The following KAZN variants were observed in gnomAD, a reference collection of about 807,000 sequenced individuals.
KAZN encodes the protein kazrin.
A neutral mutation model predicts 87.4 loss-of-function variants in KAZN; 40 were observed. The observed-to-expected ratio is 0.46, with a 90% confidence interval of 0.36 to 0.60. The LOEUF (loss-of-function observed/expected upper bound fraction) is 0.60, where lower values mean the gene tolerates loss of function less well. KAZN is among the 20% of genes least tolerant of loss of function. The probability of loss-of-function intolerance (pLI) is 0.00; values close to 1 mark genes in which losing one functional copy is unlikely to be tolerated. For missense variants in KAZN, 898 were observed against 1,073.9 expected (o/e 0.84, Z 2.29); for synonymous variants, 466 against 458.3 (o/e 1.02, Z -0.22).
chr1:14,826,443 C>T (rs1646888437), intron 1 of KAZN, among the ~76,000 whole-genome samples: 1 of 152,212 alleles, frequency 6.6e-6, no homozygotes, highest in Non-Finnish European at 1.5e-5. Flanking sequence ...CCTGAGCCAC[C>T]CTCCTCAACA....
At chr1:14,595,217 G>C (rs188308664), upstream of KAZN, among the ~76,000 whole-genome samples, 17 of 152,156 alleles carry the variant, frequency 1.1e-4, no homozygotes, top group East Asian at 3.1e-3. Context: ...TTACCTTATG[G>C]GGGGGCAGCA....
At chr1:14,084,225 A>C (rs1385496212) in intron 1 of KAZN, among the ~76,000 whole-genome samples, 1 of 152,174 alleles carries the variant, frequency 6.6e-6, no homozygotes, top group African/African-American at 2.4e-5. Context: ...AAAAGATGGA[A>C]TGTGGAAGTT....
intron 1 of KAZN, among the ~76,000 whole-genome samples, chr1:14,096,876 TG>T (rs1442211396): frequency 2.0e-5 from 3 of 152,218 alleles, no homozygotes; most frequent in Non-Finnish European, 4.4e-5. Flanking sequence ...GCATCACAGT[TG>T]AACTACCTCT....
At chr1:14,647,685 A>G (rs1680908000) in intron 1 of KAZN, among the ~76,000 whole-genome samples, 1 of 152,152 alleles carries the variant, frequency 6.6e-6, no homozygotes, top group Non-Finnish European at 1.5e-5. Flanking sequence ...GGCAAATTTT[A>G]TGTTTTCAAT....
intron 1 of KAZN, among the ~76,000 whole-genome samples, chr1:14,650,680 A>G (rs1319099411): frequency 1.3e-5 from 2 of 152,256 alleles, no homozygotes; most frequent in African/African-American, 4.8e-5. Context: ...CATGGAGGCT[A>G]TGATAATTCA....
chr1:14,150,409 T>C (rs183472677), intron 1 of KAZN, among the ~76,000 whole-genome samples: 4 of 152,280 alleles, frequency 2.6e-5, no homozygotes, highest in African/African-American at 7.2e-5. Flanking sequence ...GAGTTGTCTC[T>C]GTGTGAACCA....
At chr1:14,549,071 A>G (rs1234284346) in intron 2 of KAZN, among the ~76,000 whole-genome samples, 2 of 152,188 alleles carry the variant, frequency 1.3e-5, no homozygotes, top group Admixed American at 6.5e-5. Context: ...AAGGCAGTTG[A>G]TTTTGGTATA....
intron 1 of KAZN, among the ~76,000 whole-genome samples, chr1:13,923,466 G>A (rs946975309): frequency 4.6e-5 from 7 of 151,712 alleles, no homozygotes; most frequent in African/African-American, 7.3e-5. Context: ...CCAGCTACTG[G>A]GGAGGCTGAG....
intron 2 of KAZN, among the ~76,000 whole-genome samples, chr1:15,006,107 A>G (rs1344995339): frequency 1.3e-5 from 2 of 152,202 alleles, no homozygotes; most frequent in African/African-American, 4.8e-5. Context: ...GTATTCTGCC[A>G]AACCCACTCA....
At chr1:14,437,698 G>A (rs534707555) in intron 2 of KAZN, among the ~76,000 whole-genome samples, 76 of 152,244 alleles carry the variant, frequency 5.0e-4, no homozygotes, top group Admixed American at 3.3e-3. Context: ...CCCGTGGGTC[G>A]GACATGAGAA....
At position 14,199,383 on chromosome 1, in the gene KAZN, T is replaced by C. The variant is rs568960956; in HGVS notation, c.249+18791T>C. Among the ~76,000 whole-genome samples, 3 of 152,292 alleles carry C rather than the reference T, an allele frequency of 2.0e-5. No individual in the cohort carries two copies. The East Asian group carries it at 5.8e-4, about 29-fold the overall frequency. On this transcript the variant is annotated intron_variant, in intron 2 of 16. Coordinates refer to the KAZN transcript ENST00000636203. Reference sequence around the variant, plus strand: ...CTGTCCACACTTTGCACAGATGGCTTCCATCACTCCTCAGGTCTCAGTTTA... The same window carrying C: ...CTGTCCACACTTTGCACAGATGGCTCCCATCACTCCTCAGGTCTCAGTTTA...
chr1:14,687,866 A>G (rs1185802037), intron 1 of KAZN, among the ~76,000 whole-genome samples: 1 of 152,204 alleles, frequency 6.6e-6, no homozygotes. Context: ...GGCAAGAATT[A>G]TTCTTTTTCA....
intron 1 of KAZN, among the ~76,000 whole-genome samples, chr1:14,908,879 G>A (rs1224909804): frequency 6.6e-6 from 1 of 152,086 alleles, no homozygotes; most frequent in East Asian, 1.9e-4. Flanking sequence ...GCCAGGTGTG[G>A]TGGCAGGCGC....
intron 1 of KAZN, among the ~76,000 whole-genome samples, chr1:14,828,077 G>A (rs1417832161): frequency 1.3e-5 from 2 of 152,316 alleles, no homozygotes; most frequent in East Asian, 3.9e-4. Context: ...GCCTGTGGCA[G>A]ACATACACAA....
At chr1:14,007,673 A>G (rs2101172394) in intron 1 of KAZN, among the ~76,000 whole-genome samples, 1 of 152,336 alleles carries the variant, frequency 6.6e-6, no homozygotes, top group African/African-American at 2.4e-5. Flanking sequence ...TAGTTTCCAA[A>G]TCACTAGCAG....
At chr1:14,873,349 C>T (rs1193313078) in intron 1 of KAZN, among the ~76,000 whole-genome samples, 2 of 152,232 alleles carry the variant, frequency 1.3e-5, no homozygotes, top group African/African-American at 4.8e-5. Context: ...TAAAGAATTT[C>T]TAGTAGCAGT....
chr1:14,154,005 A>G (rs1645535075), intron 1 of KAZN, among the ~76,000 whole-genome samples: 1 of 152,122 alleles, frequency 6.6e-6, no homozygotes, highest in African/African-American at 2.4e-5. Flanking sequence ...GTGGTTACAT[A>G]TAAATTTTAG....
intron 1 of KAZN, among the ~76,000 whole-genome samples, chr1:14,657,437 A>G (rs985945931): frequency 2.6e-5 from 4 of 152,130 alleles, no homozygotes; most frequent in Non-Finnish European, 5.9e-5. Flanking sequence ...GCTACAATAT[A>G]TCAGGGGTAA....
intron 1 of KAZN, among the ~76,000 whole-genome samples, chr1:14,684,133 C>T (rs1009338740): frequency 1.3e-5 from 2 of 152,150 alleles, no homozygotes; most frequent in African/African-American, 4.8e-5. Context: ...CTATAAGTGT[C>T]TCTTATCATC....
Sources: gnomAD v4.1 joint callset for allele counts (sites outside exome capture counted in the v4.1 genomes callset) on GRCh38, gnomAD v4.1.1 for gene constraint, MANE v1.5 for transcripts, NCBI Gene and HGNC (gene_info 2026-07-23, HGNC 2026-07-21) for gene names.